The following GPR173 variants were observed in gnomAD, a reference collection of about 807,000 sequenced individuals.
The protein encoded by GPR173 is G protein-coupled receptor 173.
GPR173 carries 2 observed loss-of-function variants against 13.9 expected under a neutral mutation model. The ratio of observed to expected loss-of-function variants is 0.14; its 90% CI spans 0.06 to 0.45. GPR173 has a LOEUF of 0.45. Among genes scored for constraint, GPR173 ranks in the 20% least tolerant of loss-of-function variants. The pLI is 0.98. For synonymous variants in GPR173, 131 were observed against 141.0 expected (o/e 0.93, Z 0.50); for missense variants, 202 against 340.5 (o/e 0.59, Z 3.20).
chrX:53,079,674 G>C lies in GPR173; in HGVS notation c.*1931G>C, dbSNP rs1275320337. 1 of 121,725 alleles carries C rather than the reference G, an allele frequency of 8.2e-6. No individual in the cohort carries two copies. Among genetic ancestry groups the C allele is most frequent in the Non-Finnish European group, 1.9e-5 (1 of 52,909 alleles). 10.0% of individuals were successfully genotyped at this position (121,725 alleles called of 1,213,427 possible). A position where few individuals can be genotyped will look rare whatever the true frequency, so the allele number is the denominator to read the frequency against. Reference sequence around the variant, plus strand: ...CATGATTGAGTGATAGTGTGTGTCTGTGTGACTTTGTGTGGGGAGGCACTC... The same window carrying C: ...CATGATTGAGTGATAGTGTGTGTCTCTGTGACTTTGTGTGGGGAGGCACTC... On this transcript the variant is annotated 3_prime_UTR_variant, in exon 2 of 2. Coordinates refer to ENST00000332582, the MANE Select transcript of GPR173 (RefSeq NM_018969.6).
chrX:53,065,860 G>A (rs1333037106), intron 1 of GPR173, among the ~76,000 whole-genome samples: 1 of 111,802 alleles, frequency 8.9e-6, no homozygotes, highest in Admixed American at 9.6e-5. Flanking sequence ...AGCACTTTGG[G>A]AAGCTGAGGT....
chrX:53,061,738 A>G (rs1386158596), intron 1 of GPR173, among the ~76,000 whole-genome samples: 2 of 111,683 alleles, frequency 1.8e-5, no homozygotes, highest in Non-Finnish European at 3.8e-5. Context: ...TTTATGACAC[A>G]CTTGAGCTCA....
chrX:53,066,727 T>C (rs1485067955), intron 1 of GPR173, among the ~76,000 whole-genome samples: 1 of 110,376 alleles, frequency 9.1e-6, no homozygotes, highest in Non-Finnish European at 1.9e-5. Flanking sequence ...TTTACCTCAT[T>C]ATTATTATTA....
At chrX:53,049,677 A>G (rs1262673139) in intron 1 of GPR173, among the ~76,000 whole-genome samples, 193 bp downstream of exon 1, 1 of 111,703 alleles carries the variant, frequency 9.0e-6, no homozygotes, top group Non-Finnish European at 1.9e-5. Context: ...CATCTTCCCC[A>G]ATCCCAAATG....
At chrX:53,064,682 T>C (rs781896211) in intron 1 of GPR173, among the ~76,000 whole-genome samples, 25 of 111,217 alleles carry the variant, frequency 2.2e-4, no homozygotes, top group Non-Finnish European at 3.4e-4. Flanking sequence ...CATCATCCCA[T>C]GGTGGAAGGC....
At chrX:53,066,543 C>T (rs1370707263) in intron 1 of GPR173, among the ~76,000 whole-genome samples, 2 of 110,162 alleles carry the variant, frequency 1.8e-5, no homozygotes, top group Non-Finnish European at 3.8e-5. Flanking sequence ...CAGTGTGCGC[C>T]TGTAGTCCCA....
chrX:53,064,735 A>G (rs1556804088), intron 1 of GPR173, among the ~76,000 whole-genome samples: 1 of 111,314 alleles, frequency 9.0e-6, no homozygotes, highest in African/African-American at 3.3e-5. Context: ...GAGAGAAGGG[A>G]AGTGGGTAGA....
rs1450460064 is a variant in GPR173 at position 53,076,734 on chromosome X, C to T, written c.113C>T (p.Ala38Val). Residue 38 changes from alanine to valine, a missense_variant, in exon 2 of 2, where the codon GCG (alanine) becomes GTG (valine). Ala to Val is a moderately conservative substitution (Grantham distance 64). Around this residue, in one of 3 missense-constraint regions of GPR173, gnomAD observed 98 missense variants for 137.2 expected, o/e 0.71. Coordinates refer to ENST00000332582, the MANE Select transcript of GPR173 (RefSeq NM_018969.6). The part of the protein sequence containing the change: ...LLGLIMCVSL[A>V]GNAILSLLVL... ...GGACTGATTATGTGCGTGAGCCTGG[C>T]GGGTAACGCCATCTTGTCCCTGCTG... 9 of 1,210,204 alleles carry T rather than the reference C, an allele frequency of 7.4e-6. No homozygotes were observed. The highest frequency in any genetic ancestry group is 3.0e-5 in the East Asian group (1 of 33,837).
chrX:53,079,408 G>A lies in GPR173; in HGVS notation c.*1665G>A, dbSNP rs1424040163. The stretch of plus-strand genomic sequence containing the variant: ...AGGGGAGCCTGTTCTCTCAGCGATA[G>A]TGATGGGGGTGCCTTTCCGAGGGGG... On this transcript the variant is annotated 3_prime_UTR_variant, in exon 2 of 2. Transcript: ENST00000332582. The A allele has an allele frequency of 1.9e-5, 2 of 107,833 alleles. No homozygotes were observed. Among genetic ancestry groups the A allele is most frequent in the East Asian group, 7.1e-4 (2 of 2,825 alleles). The allele number at this position is 107,833 out of a possible 1,213,427, so 8.9% of individuals were successfully genotyped here. A position where few individuals can be genotyped will look rare whatever the true frequency, so the allele number is the denominator to read the frequency against.
chrX:53,066,024 T>G (rs907877601), intron 1 of GPR173, among the ~76,000 whole-genome samples: 8 of 111,489 alleles, frequency 7.2e-5, no homozygotes, highest in African/African-American at 2.6e-4. Context: ...TGCTTGAGCC[T>G]GGGAGGTTGA....
Position 53,078,439 on chromosome X carries a change from T to A in GPR173, c.*696T>A, listed in dbSNP as rs1932476631. The A allele has an allele frequency of 8.1e-6, 1 of 123,040 alleles. No individual in the cohort carries two copies. Among genetic ancestry groups the A allele is most frequent in the African/African-American group, 3.3e-5 (1 of 30,692 alleles). 10.1% of individuals were successfully genotyped at this position (123,040 alleles called of 1,213,427 possible). On this transcript the variant is annotated 3_prime_UTR_variant, in exon 2 of 2. Coordinates refer to ENST00000332582, the MANE Select transcript of GPR173 (RefSeq NM_018969.6). ...AGACCTCCCAAATGGTTCTTGTGCA[T>A]CTGTTGGAGAAGTCAAGGGAGTAGG...
rs1157896340 is a variant in GPR173 at position 53,048,912 on chromosome X, C to A, written c.-670C>A. On this transcript the variant is annotated 5_prime_UTR_variant, in exon 1 of 2. Transcript: ENST00000332582. Reference sequence around the variant, plus strand: ...GAGCGGGGTGAGCCTGGATGAGAGCCCCCCCAACCTGGGGCTCTCCCAGGC... The same window carrying A: ...GAGCGGGGTGAGCCTGGATGAGAGCACCCCCAACCTGGGGCTCTCCCAGGC... 9.9e-5 allele frequency among the ~76,000 whole-genome samples: 11 copies of A among 111,033 alleles called. No homozygotes were observed. Among genetic ancestry groups the A allele is most frequent in the African/African-American group, 3.6e-4 (11 of 30,613 alleles).
chrX:53,060,523 T>C (rs1932108619), intron 1 of GPR173, among the ~76,000 whole-genome samples: 1 of 102,807 alleles, frequency 9.7e-6, no homozygotes, highest in East Asian at 3.1e-4. Flanking sequence ...GAGGATGCAG[T>C]GAGCCAAGGT....
intron 1 of GPR173, among the ~76,000 whole-genome samples, chrX:53,075,983 A>G (rs1932426251): frequency 9.0e-6 from 1 of 111,421 alleles, no homozygotes; most frequent in Non-Finnish European, 1.9e-5. Flanking sequence ...CAGTAAAAAA[A>G]AGTCTGAACA....
chrX:53,060,464 C>G (rs1201181080), intron 1 of GPR173, among the ~76,000 whole-genome samples: 3 of 107,998 alleles, frequency 2.8e-5, no homozygotes, highest in African/African-American at 1.0e-4. Flanking sequence ...CCTGTAATCC[C>G]AGCTACTCGG....
At chrX:53,061,827 A>T (rs1932128856) in intron 1 of GPR173, among the ~76,000 whole-genome samples, 1 of 110,838 alleles carries the variant, frequency 9.0e-6, no homozygotes, top group African/African-American at 3.3e-5. Context: ...ACAAGCAGAG[A>T]TTTCTTTCTT....
chrX:53,074,265 C>CATATATAAATATACATTTACATATAAAT (rs1569224493), intron 1 of GPR173, among the ~76,000 whole-genome samples: 4 of 50,084 alleles, frequency 8.0e-5, no homozygotes, highest in Non-Finnish European at 1.3e-4. Flanking sequence ...TATATTTATT[C>CATATATAAATATACATTTACATATAAAT]ATATATAAAT....
chrX:53,079,727 C>G lies in GPR173; in HGVS notation c.*1984C>G, dbSNP rs889924713. On this transcript the variant is annotated 3_prime_UTR_variant, in exon 2 of 2. Coordinates refer to ENST00000332582, the MANE Select transcript of GPR173 (RefSeq NM_018969.6). Reference sequence around the variant, plus strand: ...GAAGAAAACTTGCCCGGTGCACACACGTAAAATGCCTGTATATGGGGACAG... The same window carrying G: ...GAAGAAAACTTGCCCGGTGCACACAGGTAAAATGCCTGTATATGGGGACAG... 1.7e-5 allele frequency: 2 copies of G among 119,785 alleles called. No individual in the cohort carries two copies. The highest frequency in any genetic ancestry group is 3.8e-5 in the Non-Finnish European group (2 of 52,493). 9.9% of individuals were successfully genotyped at this position (119,785 alleles called of 1,213,427 possible).
chrX:53,049,940 G>A (rs1295246225), intron 1 of GPR173, among the ~76,000 whole-genome samples: 1 of 98,497 alleles, frequency 1.0e-5, no homozygotes, highest in Non-Finnish European at 2.0e-5. Context: ...GGCCGGGTGT[G>A]TGTGTGTGTG....
Sources: allele counts gnomAD v4.1 joint callset (sites outside exome capture counted in the v4.1 genomes callset), GRCh38; gene constraint gnomAD v4.1.1; regional missense constraint gnomAD v4.1.1; transcripts MANE v1.5; gene names NCBI Gene and HGNC (gene_info 2026-07-23, HGNC 2026-07-21).